DZIP1L: variants seen among roughly 807,000 people sequenced by gnomAD.
DZIP1L encodes cilium assembly protein DZIP1L.
Under a neutral mutation model 88.7 loss-of-function variants are expected in DZIP1L, and 90 were observed. That is an observed-to-expected ratio of 1.02 (90% CI 0.86 to 1.21). The LOEUF is 1.21. DZIP1L is among the 50% of genes most tolerant of loss of function. The pLI is 0.00. For synonymous variants in DZIP1L, 363 were observed against 372.1 expected (o/e 0.98, Z 0.28); for missense variants, 932 against 955.8 (o/e 0.98, Z 0.33).
intron 1 of DZIP1L, among the ~76,000 whole-genome samples, chr3:138,106,383 C>T (rs1214848713): frequency 1.3e-5 from 2 of 151,082 alleles, no homozygotes; most frequent in Non-Finnish European, 3.0e-5. Flanking sequence ...CGTGATCCAC[C>T]CGCCTCAGCC....
chr3:138,094,998 C>T lies in DZIP1L; in HGVS notation c.587-15G>A, dbSNP rs879444660. 1 of 1,614,158 alleles carries T rather than the reference C, an allele frequency of 6.2e-7. No homozygotes were observed. ...CTTCTGTTTTCCTGTGGGGTCCACG[C>T]AAAGACAGGTGACCAGTTTAAGTCC... is the stretch of plus-strand genomic sequence containing the variant. On this transcript the variant is annotated splice_polypyrimidine_tract_variant and intron_variant, in intron 3 of 15. Coordinates refer to ENST00000327532, the MANE Select transcript of DZIP1L (RefSeq NM_173543.3).
intron 8 of DZIP1L, among the ~76,000 whole-genome samples, chr3:138,082,741 C>T (rs1041497571): frequency 1.3e-5 from 2 of 152,212 alleles, no homozygotes; most frequent in African/African-American, 4.8e-5. Context: ...TACCTCTACT[C>T]CAAACTGCAA....
At chr3:138,067,453 C>T in intron 14 of DZIP1L, 78 bp downstream of exon 14, 1 of 1,478,576 alleles carries the variant, frequency 6.8e-7, no homozygotes, top group East Asian at 2.6e-5. Flanking sequence ...AAGGGTGTTT[C>T]TGGAGCCTTG....
At chr3:138,106,736 G>C (rs911342115) in intron 1 of DZIP1L, among the ~76,000 whole-genome samples, 2 of 152,082 alleles carry the variant, frequency 1.3e-5, no homozygotes, top group Admixed American at 6.5e-5. Flanking sequence ...GGAGGCTGAG[G>C]CAGGAGAATG....
Position 138,097,786 on chromosome 3 carries a change from C to G in DZIP1L, c.563G>C (p.Arg188Thr). 1 of 1,612,868 alleles carries G rather than the reference C, an allele frequency of 6.2e-7. No individual in the cohort carries two copies. The highest frequency in any genetic ancestry group is 1.7e-4 in the Middle Eastern group (1 of 6,006). Reference sequence around the variant, plus strand: ...ACCACCTTCTGCCACGCCTGCATGCCTGCGCTGGATGTGGCCCCGGAGAAA... The same window carrying G: ...ACCACCTTCTGCCACGCCTGCATGCGTGCGCTGGATGTGGCCCCGGAGAAA... ...ATFLRGHIQR[R>T]HAGVAEGGKQ... is the part of the protein sequence containing the mutation. The change falls in exon 3 of 16, where the codon AGG (arginine) becomes ACG (threonine). Residue 188 changes from arginine to threonine, a missense_variant. By Grantham distance (71) the Arg-to-Thr change is moderately conservative. Transcript: ENST00000327532.
At chr3:138,102,898 T>C in intron 2 of DZIP1L, 2 of 608,312 alleles carry the variant, frequency 3.3e-6, no homozygotes, top group Non-Finnish European at 5.9e-6. Context: ...GTAGGACTTC[T>C]GGGTCACCCT....
intron 11 of DZIP1L, among the ~76,000 whole-genome samples, chr3:138,073,752 T>C (rs1296661547): frequency 1.3e-5 from 2 of 152,072 alleles, no homozygotes; most frequent in Non-Finnish European, 2.9e-5. Context: ...AGAAGGTCAA[T>C]TATTAAGCTA....
intron 1 of DZIP1L, chr3:138,108,287 A>G: frequency 4.2e-6 from 4 of 961,598 alleles, no homozygotes; most frequent in Non-Finnish European, 4.9e-6. Flanking sequence ...GTTACCAGGC[A>G]TGCTGTGGGC....
rs746139719 is a variant in DZIP1L, at chr3:138,103,814, G to A, written c.158C>T (p.Ala53Val). ...VDRVARELDV[A>V]TLQENIAGIT... Reference sequence around the variant, plus strand: ...GCCAGCAATATTCTCCTGCAGAGTGGCCACATCCAGTTCCCGGGCCACGCG... The same window carrying A: ...GCCAGCAATATTCTCCTGCAGAGTGACCACATCCAGTTCCCGGGCCACGCG... Residue 53 changes from alanine to valine, a missense_variant, in exon 2 of 16, where the codon GCC (alanine) becomes GTC (valine). By Grantham distance (64) the Ala-to-Val change is moderately conservative. Coordinates refer to ENST00000327532, the MANE Select transcript of DZIP1L (RefSeq NM_173543.3). 1 of 1,614,182 alleles carries A rather than the reference G, an allele frequency of 6.2e-7. No individual in the cohort carries two copies. Among genetic ancestry groups the A allele is most frequent in the East Asian group, 2.2e-5 (1 of 44,884 alleles).
intron 4 of DZIP1L, among the ~76,000 whole-genome samples, chr3:138,094,051 C>T (rs940913284): frequency 6.6e-6 from 1 of 152,222 alleles, no homozygotes; most frequent in Non-Finnish European, 1.5e-5. Flanking sequence ...CATCACTAAA[C>T]TTAATCATTT....
intron 7 of DZIP1L, among the ~76,000 whole-genome samples, chr3:138,086,596 G>A (rs1282886950): frequency 6.6e-6 from 1 of 152,168 alleles, no homozygotes; most frequent in African/African-American, 2.4e-5. Flanking sequence ...CTCTCCTAGG[G>A]TGGGGGAATT....
Position 138,062,374 on chromosome 3 carries a change from G to A in DZIP1L, c.*442C>T, listed in dbSNP as rs1274369698. 1.2e-5 allele frequency: 2 copies of A among 163,488 alleles called. No homozygotes were observed. Among genetic ancestry groups the A allele is most frequent in the Non-Finnish European group, 2.7e-5 (2 of 73,658 alleles). 10.1% of individuals were successfully genotyped at this position (163,488 alleles called of 1,614,324 possible). On this transcript the variant is annotated 3_prime_UTR_variant, in exon 16 of 16. Coordinates refer to ENST00000327532, the MANE Select transcript of DZIP1L (RefSeq NM_173543.3). ...GGCTAGAGAGCCTGGCGCAGAGTAG[G>A]TAGGCACTCAGTAAATAATTTTGGA...
intron 12 of DZIP1L, 122 bp from the exon 13 acceptor site, chr3:138,068,489 TAACC>T: frequency 5.7e-6 from 4 of 696,404 alleles, no homozygotes; most frequent in Non-Finnish European, 8.6e-6. Flanking sequence ...CGTGCTGTAA[TAACC>T]ACAGCAGATT....
Position 138,103,818 on chromosome 3 carries a change from C to A in DZIP1L, c.154G>T (p.Val52Leu), listed in dbSNP as rs758629116. 8 of 1,614,096 alleles carry A rather than the reference C, an allele frequency of 5.0e-6. No individual in the cohort carries two copies. The highest frequency in any genetic ancestry group is 6.8e-6 in the Non-Finnish European group (8 of 1,180,064). Residue 52 changes from valine to leucine, a missense_variant, in exon 2 of 16, where the codon GTG (valine) becomes TTG (leucine). Transcript: ENST00000327532. Reference protein sequence around the residue: ...DVDRVARELDVATLQENIAGI... With the variant: ...DVDRVARELDLATLQENIAGI... ...GCAATATTCTCCTGCAGAGTGGCCA[C>A]ATCCAGTTCCCGGGCCACGCGGTCT...
At chr3:138,102,611 C>A in intron 2 of DZIP1L, 1 of 1,472,992 alleles carries the variant, frequency 6.8e-7, no homozygotes, top group Non-Finnish European at 9.5e-7. Flanking sequence ...ATGAAGGAGG[C>A]AAACTTGTTG....
rs1388853060 is a variant in DZIP1L, at chr3:138,064,684, A to T, written c.2086T>A (p.Phe696Ile). The T allele has an allele frequency of 6.2e-7, 1 of 1,614,106 alleles. No homozygotes were observed. The highest frequency in any genetic ancestry group is 8.5e-7 in the Non-Finnish European group (1 of 1,179,990). The change falls in exon 15 of 16, where the codon TTT (phenylalanine) becomes ATT (isoleucine). Residue 696 changes from phenylalanine to isoleucine, a missense_variant. Physicochemically the swap from Phe to Ile is conservative, Grantham distance 21. Transcript: ENST00000327532. ...AKKPAGGVSL[F>I]FMPNAGPQRA... ...TGTGGCCCAGCATTGGGCATAAAAA[A>T]CAGACTGACCCCTCCAGCAGGCTTC...
chr3:138,073,363 G>A (rs1472637851), intron 11 of DZIP1L, among the ~76,000 whole-genome samples: 3 of 152,094 alleles, frequency 2.0e-5, no homozygotes, highest in South Asian at 2.1e-4. Flanking sequence ...TAGTATCCAC[G>A]GCTGCAAGAC....
chr3:138,093,264 G>A (rs1944316933), intron 4 of DZIP1L, among the ~76,000 whole-genome samples: 1 of 152,188 alleles, frequency 6.6e-6, no homozygotes, highest in Non-Finnish European at 1.5e-5. Context: ...CAGGAACATT[G>A]TCAATGAGCA....
intron 2 of DZIP1L, chr3:138,102,079 T>G (rs2042336627): frequency 6.8e-7 from 1 of 1,481,200 alleles, no homozygotes; most frequent in Admixed American, 1.7e-5. Flanking sequence ...TGGTACATGC[T>G]CTCAGCCTCA....
Sources: allele counts gnomAD v4.1 joint callset (sites outside exome capture counted in the v4.1 genomes callset), GRCh38; gene constraint gnomAD v4.1.1; transcripts MANE v1.5; gene names NCBI Gene and HGNC (gene_info 2026-07-23, HGNC 2026-07-21).